The following TOLLIP variants were observed in gnomAD, a reference collection of about 807,000 sequenced individuals.
The protein encoded by TOLLIP is toll-interacting protein.
TOLLIP carries 16 observed loss-of-function variants against 33.5 expected under a neutral mutation model. That is an observed-to-expected ratio of 0.48 (90% CI 0.32 to 0.72). TOLLIP has a LOEUF of 0.72. Among genes scored for constraint, TOLLIP ranks in the 30% least tolerant of loss-of-function variants. The pLI, the probability that TOLLIP is intolerant of heterozygous loss-of-function variation, is 0.03. For synonymous variants in TOLLIP, 176 were observed against 163.7 expected, an observed-to-expected ratio of 1.07 and a Z score of -0.57; for missense variants, 325 against 396.6, an observed-to-expected ratio of 0.82 and a Z score of 1.53.
intron 1 of TOLLIP, among the ~76,000 whole-genome samples, chr11:1,296,829 C>T (rs573439114): frequency 1.2e-5 from 1 of 84,910 alleles, no homozygotes; most frequent in African/African-American, 5.4e-5. Context: ...GGGGTGGAGG[C>T]CTGGTTGCTG....
intron 1 of TOLLIP, among the ~76,000 whole-genome samples, chr11:1,308,492 G>C (rs1269062729): frequency 6.6e-6 from 1 of 152,172 alleles, no homozygotes; most frequent in African/African-American, 2.4e-5. Flanking sequence ...ACCCAGTCTC[G>C]GTATTCCTTT....
rs1221319213 is a variant in TOLLIP at position 1,286,029 on chromosome 11, G to C, written c.583C>G (p.Gln195Glu). 8.8e-6 allele frequency: 14 copies of C among 1,598,598 alleles called. No individual in the cohort carries two copies. The highest frequency in any genetic ancestry group is 1.1e-5 in the Non-Finnish European group (13 of 1,173,910). ...GTGATGGGCACATAGCCAACGCCCT[G>C]CTGGTACACTGTTGGCATCAGGACC... ...PVVLMPTVYQ[Q>E]GVGYVPITGM... Residue 195 changes from glutamine to glutamate, a missense_variant, in exon 5 of 6, where the codon CAG becomes GAG. By Grantham distance (29) the Gln-to-Glu change is conservative. Transcript: ENST00000317204.
chr11:1,299,181 A>T (rs1864195888), intron 1 of TOLLIP, among the ~76,000 whole-genome samples: 1 of 152,186 alleles, frequency 6.6e-6, no homozygotes, highest in African/African-American at 2.4e-5. Context: ...ACACTACAAA[A>T]TTCAAGGTTT....
At position 1,284,254 on chromosome 11, in the gene TOLLIP, G is replaced by A. The variant is rs188587492; in HGVS notation, c.610+1748C>T. 2.2e-3 allele frequency among the ~76,000 whole-genome samples: 335 copies of A among 152,252 alleles called. 5 individuals are homozygous for A. The highest frequency in any genetic ancestry group is 7.7e-3 in the African/African-American group (318 of 41,542). On this transcript the variant is annotated intron_variant, in intron 5 of 5. Coordinates refer to ENST00000317204, the MANE Select transcript of TOLLIP (RefSeq NM_019009.4). ...CCTCCTCTAACTCTGAACGCCTCAA[G>A]GCTGCTTCTGCGTTTCTGGCTCACC...
rs767250508 is a variant in TOLLIP, at chr11:1,290,944, T to C, written c.184-535A>G. 1 of 153,854 alleles carries C rather than the reference T, an allele frequency of 6.5e-6. No homozygotes were observed. Among genetic ancestry groups the C allele is most frequent in the East Asian group, 1.9e-4 (1 of 5,200 alleles). 9.5% of individuals were successfully genotyped at this position (153,854 alleles called of 1,614,324 possible). ...AGCAGCCCTGCCTGTGCTATCGGAGTACGTGGGGTTTTGGGGACTGGAACT... is the reference window on the plus strand; with the variant it reads ...AGCAGCCCTGCCTGTGCTATCGGAGCACGTGGGGTTTTGGGGACTGGAACT... On this transcript the variant is annotated intron_variant, in intron 2 of 5. Coordinates refer to ENST00000317204, the MANE Select transcript of TOLLIP (RefSeq NM_019009.4). This position sits in a 1 kb window ranked among gnomAD's most constrained non-coding sequence, Gnocchi z 4.9.
At chr11:1,279,116 C>T (rs377495722) in intron 5 of TOLLIP, among the ~76,000 whole-genome samples, 11 of 152,264 alleles carry the variant, frequency 7.2e-5, no homozygotes, top group Admixed American at 1.3e-4. Flanking sequence ...AAATCGATGA[C>T]GGTGGCTGTG....
chr11:1,302,024 TCA>T (rs1864294304), intron 1 of TOLLIP, among the ~76,000 whole-genome samples: 1 of 152,190 alleles, frequency 6.6e-6, no homozygotes, highest in Admixed American at 6.5e-5. Flanking sequence ...GGAGCCCAGG[TCA>T]TCACCAGCCT....
chr11:1,309,484 G>C lies in TOLLIP; in HGVS notation c.15C>G (p.Val5=), dbSNP rs1413498449. 1 of 1,341,072 alleles carries C rather than the reference G, an allele frequency of 7.5e-7. No individual in the cohort carries two copies. Among genetic ancestry groups the C allele is most frequent in the Non-Finnish European group, 9.6e-7 (1 of 1,040,224 alleles). 83.1% of individuals were successfully genotyped at this position (1,341,072 alleles called of 1,614,324 possible). The part of the protein sequence containing the change: MATT[V]STQRGPVYIG... Reference sequence around the variant, plus strand: ...GCCTCACCGGCCCGCGCTGAGTGCTGACGGTGGTCGCCATGGTGCTGCGGC... The same window carrying C: ...GCCTCACCGGCCCGCGCTGAGTGCTCACGGTGGTCGCCATGGTGCTGCGGC... Residue 5 remains valine, a synonymous_variant, in exon 1 of 6, where the codon GTC becomes GTG. Transcript: ENST00000317204.
chr11:1,281,721 A>T (rs1376081193), intron 5 of TOLLIP, among the ~76,000 whole-genome samples: 1 of 152,254 alleles, frequency 6.6e-6, no homozygotes, highest in Non-Finnish European at 1.5e-5. Context: ...GAAGCCACGC[A>T]GCCAGCACCG....
chr11:1,303,621 G>C lies in TOLLIP; in HGVS notation c.33+5845C>G, dbSNP rs1168480652. 6.6e-6 allele frequency among the ~76,000 whole-genome samples: 1 copy of C among 152,236 alleles called. No individual in the cohort carries two copies. The highest frequency in any genetic ancestry group is 6.5e-5 in the Admixed American group (1 of 15,288). On this transcript the variant is annotated intron_variant, in intron 1 of 5. Transcript: ENST00000317204. This position sits in a 1 kb window ranked among gnomAD's most constrained non-coding sequence, Gnocchi z 4.2. ...GCAGCAAGGCAGGCCTCACCAGCACGGTGCCAGGGCAGGGCCCGCAGGATC... is the reference window on the plus strand; with the variant it reads ...GCAGCAAGGCAGGCCTCACCAGCACCGTGCCAGGGCAGGGCCCGCAGGATC...
chr11:1,285,667 C>T (rs1206837099), intron 5 of TOLLIP, among the ~76,000 whole-genome samples: 4 of 151,794 alleles, frequency 2.6e-5, no homozygotes, highest in African/African-American at 9.7e-5. Context: ...TGTCACCTGA[C>T]AGGGGCGTGA....
chr11:1,289,871 G>C (rs548506591), intron 3 of TOLLIP, among the ~76,000 whole-genome samples: 1 of 147,754 alleles, frequency 6.8e-6, no homozygotes, highest in East Asian at 2.0e-4. Context: ...CTGGTGAGCG[G>C]CCAGATCAGT....
chr11:1,298,385 G>T (rs916147158), intron 1 of TOLLIP: 2 of 152,334 alleles, frequency 1.3e-5, no homozygotes, highest in African/African-American at 4.8e-5. Context: ...AGCCAGTCGG[G>T]GGAGGGTGTG....
At chr11:1,298,740 G>A (rs1435988748) in intron 1 of TOLLIP, among the ~76,000 whole-genome samples, 1 of 152,250 alleles carries the variant, frequency 6.6e-6, no homozygotes, top group Admixed American at 6.5e-5. Context: ...GCCCCACGCA[G>A]CCCGGGGACC....
chr11:1,288,572 C>A (rs1001615998), intron 4 of TOLLIP, 52 bp downstream of exon 4: 4 of 1,560,160 alleles, frequency 2.6e-6, no homozygotes, highest in Non-Finnish European at 8.7e-7. Context: ...ATAGCCCCGA[C>A]GTGCTCCAAC....
At chr11:1,279,861 A>G (rs1005047959) in intron 5 of TOLLIP, among the ~76,000 whole-genome samples, 6 of 152,184 alleles carry the variant, frequency 3.9e-5, no homozygotes, top group Non-Finnish European at 8.8e-5. Flanking sequence ...GGGGAGCATC[A>G]GCCCTGCTCA....
chr11:1,309,468 G>A lies in TOLLIP; in HGVS notation c.31C>T (p.Pro11Ser). The A allele has an allele frequency of 1.5e-6, 2 of 1,331,232 alleles. No individual in the cohort carries two copies. The highest frequency in any genetic ancestry group is 3.1e-5 in the Admixed American group (1 of 32,272). The allele number at this position is 1,331,232 out of a possible 1,614,324, so 82.5% of individuals were successfully genotyped here. MATTVSTQRG[P>S]VYIGELPQDF... is the part of the protein sequence containing the mutation. ...CGACCCTCGCCCGGCTGCCTCACCG[G>A]CCCGCGCTGAGTGCTGACGGTGGTC... The change falls in exon 1 of 6, where the codon CCG becomes TCG. Residue 11 changes from proline to serine, a missense_variant and splice_region_variant. Transcript: ENST00000317204.
chr11:1,302,911 GCCTTCCTC>G, intron 1 of TOLLIP: 1 of 403,382 alleles, frequency 2.5e-6, no homozygotes, highest in Non-Finnish European at 3.4e-6. Context: ...CCCTTCCGGG[GCCTTCCTC>G]AGACAGGGCT....
rs1564972387 is a variant in TOLLIP at position 1,290,289 on chromosome 11, T to C, written c.304A>G (p.Lys102Glu). ...HNGAKNPRWN[K>E]VIHCTVPPGV... ...GGGGGCACCGTGCAGTGGATGACCT[T>C]ATTCCAGCGGGGATTCTTGGCGCCA... Residue 102 changes from lysine to glutamate, a missense_variant, in exon 3 of 6, where the codon AAG becomes GAG. Physicochemically the swap from Lys to Glu is moderately conservative, Grantham distance 56 (BLOSUM62 1). Coordinates refer to ENST00000317204, the MANE Select transcript of TOLLIP (RefSeq NM_019009.4). The surrounding 1 kb of genome is among the most constrained non-coding windows in gnomAD (Gnocchi z 4.9). 6.2e-7 allele frequency: 1 copy of C among 1,613,616 alleles called. No individual in the cohort carries two copies. Among genetic ancestry groups the C allele is most frequent in the South Asian group, 1.1e-5 (1 of 91,086 alleles).
Sources: gnomAD v4.1 joint callset for allele counts (sites outside exome capture counted in the v4.1 genomes callset) on GRCh38, gnomAD v4.1.1 for gene constraint, Gnocchi (gnomAD v3.1) non-coding constraint, MANE v1.5 for transcripts, NCBI Gene and HGNC (gene_info 2026-07-23, HGNC 2026-07-21) for gene names.